The following CARM1 variants were observed in gnomAD, a reference collection of about 807,000 sequenced individuals.
CARM1 encodes the protein coactivator associated arginine methyltransferase 1, also known as histone-arginine methyltransferase CARM1.
A neutral mutation model predicts 72.7 loss-of-function variants in CARM1; 14 were observed. The ratio of observed to expected loss-of-function variants is 0.19; its 90% CI spans 0.13 to 0.30. CARM1 has a LOEUF of 0.30. CARM1 is among the 10% of genes least tolerant of loss of function. CARM1 has a pLI of 1.00. For missense variants in CARM1, 432 were observed against 833.7 expected, an observed-to-expected ratio of 0.52 and a Z score of 5.93; for synonymous variants, 333 against 345.5, an observed-to-expected ratio of 0.96 and a Z score of 0.40.
At chr19:10,884,712 T>C (rs2073927679) in intron 1 of CARM1, among the ~76,000 whole-genome samples, 1 of 152,114 alleles carries the variant, frequency 6.6e-6, no homozygotes, top group African/African-American at 2.4e-5. Context: ...TTTATTTTAT[T>C]ATTTTTTTTT....
chr19:10,908,931 G>A (rs559174491), intron 3 of CARM1, among the ~76,000 whole-genome samples, 172 bp from the exon 4 acceptor site: 3 of 152,308 alleles, frequency 2.0e-5, no homozygotes, highest in East Asian at 1.9e-4. Flanking sequence ...GCTGCCCTCC[G>A]GCTTCCTGCT....
chr19:10,884,829 C>T lies in CARM1; in HGVS notation c.220+12907C>T, dbSNP rs144752756. On this transcript the variant is annotated intron_variant, in intron 1 of 15. Transcript: ENST00000327064. ...AAGCGATTCTCCTCCCTCAGCCTCCCGAGTAGCTGGGATCATAGACACGTG... is the reference window on the plus strand; with the variant it reads ...AAGCGATTCTCCTCCCTCAGCCTCCTGAGTAGCTGGGATCATAGACACGTG... Among the ~76,000 whole-genome samples the T allele has an allele frequency of 2.9e-3, 444 of 152,264 alleles. 1 individual carries two copies. The highest frequency in any genetic ancestry group is 0.01 in the African/African-American group (432 of 41,556).
At chr19:10,872,002 G>A (rs1159562987) in intron 1 of CARM1, 80 bp downstream of exon 1, 29 of 1,113,112 alleles carry the variant, frequency 2.6e-5, no homozygotes, top group Non-Finnish European at 3.2e-5. Context: ...GCGGGGAGGG[G>A]CCCTGAGCGC....
At chr19:10,910,059 C>T (rs1219921294) in intron 4 of CARM1, among the ~76,000 whole-genome samples, 2 of 152,000 alleles carry the variant, frequency 1.3e-5, no homozygotes, top group Non-Finnish European at 2.9e-5. Flanking sequence ...GGGTACTGCT[C>T]TCCAGGCTGA....
chr19:10,901,556 C>A (rs1056341229), intron 1 of CARM1, among the ~76,000 whole-genome samples: 2 of 152,024 alleles, frequency 1.3e-5, no homozygotes, highest in Non-Finnish European at 2.9e-5. Flanking sequence ...AACTCCTGGC[C>A]TCAAGTTATC....
intron 1 of CARM1, among the ~76,000 whole-genome samples, chr19:10,885,725 C>T (rs1241366983): frequency 6.6e-6 from 1 of 152,046 alleles, no homozygotes; most frequent in African/African-American, 2.4e-5. Context: ...CATCCTGTGC[C>T]CTTGAGGGAC....
intron 1 of CARM1, among the ~76,000 whole-genome samples, chr19:10,902,256 TATA>T (rs920796829): frequency 1.5e-4 from 22 of 149,140 alleles, no homozygotes; most frequent in Non-Finnish European, 2.1e-4. Flanking sequence ...AAAAAATAAA[TATA>T]ATAAAAATAG....
intron 6 of CARM1, among the ~76,000 whole-genome samples, chr19:10,914,704 C>T (rs554588419): frequency 2.6e-5 from 4 of 152,152 alleles, no homozygotes; most frequent in Non-Finnish European, 5.9e-5. Context: ...TACAGGTGTG[C>T]ACCACCACGC....
At chr19:10,921,518 C>T (rs1434971656) in intron 15 of CARM1, 75 bp downstream of exon 15, 34 of 1,566,578 alleles carry the variant, frequency 2.2e-5, no homozygotes, top group Non-Finnish European at 2.4e-5. Context: ...TCCGGCCGCC[C>T]GCCTGCCCTC....
At chr19:10,875,953 G>T (rs1215505923) in intron 1 of CARM1, among the ~76,000 whole-genome samples, 1 of 149,692 alleles carries the variant, frequency 6.7e-6, no homozygotes, top group Non-Finnish European at 1.5e-5. Flanking sequence ...TGCAACCTCT[G>T]CCTCCCGGGT....
At chr19:10,891,595 G>C (rs927919224) in intron 1 of CARM1, among the ~76,000 whole-genome samples, 1 of 152,224 alleles carries the variant, frequency 6.6e-6, no homozygotes, top group African/African-American at 2.4e-5. Flanking sequence ...CCCCCAGCCA[G>C]CAGGGTCCAA....
At chr19:10,877,712 G>A (rs1033923086) in intron 1 of CARM1, among the ~76,000 whole-genome samples, 4 of 151,822 alleles carry the variant, frequency 2.6e-5, no homozygotes, top group African/African-American at 7.3e-5. Flanking sequence ...GCGAGCCACC[G>A]CACCCAGCCT....
chr19:10,881,773 A>G (rs1168284633), intron 1 of CARM1, among the ~76,000 whole-genome samples: 1 of 152,158 alleles, frequency 6.6e-6, no homozygotes, highest in Non-Finnish European at 1.5e-5. Context: ...CGCCGTCTCC[A>G]TAGTGCGGTA....
chr19:10,888,726 C>T (rs1201527195), intron 1 of CARM1, among the ~76,000 whole-genome samples: 2 of 152,232 alleles, frequency 1.3e-5, no homozygotes, highest in Non-Finnish European at 2.9e-5. Context: ...CAGCTCACAT[C>T]TGCTGTCTCT....
intron 14 of CARM1, 71 bp downstream of exon 14, chr19:10,921,198 G>T: frequency 6.6e-7 from 1 of 1,525,210 alleles, no homozygotes; most frequent in South Asian, 1.1e-5. Context: ...GGAAGGGCCT[G>T]TGGTGACCAG....
In CARM1 at chr19:10,915,817, G is replaced by A. The variant is rs187633551; in HGVS notation, c.848-590G>A. On this transcript the variant is annotated intron_variant, in intron 6 of 15. Transcript: ENST00000327064. This position sits in a 1 kb window ranked among gnomAD's most constrained non-coding sequence, Gnocchi z 4.6. ...ATGCGTCTACCCTTGAGTCACAGAG[G>A]GAGGCCCTGCCCTTCCCTCAGTCTG... 8.1e-4 allele frequency among the ~76,000 whole-genome samples: 123 copies of A among 152,244 alleles called. 1 individual carries two copies. The highest frequency in any genetic ancestry group is 4.4e-3 in the Admixed American group (68 of 15,296).
At chr19:10,900,497 C>T (rs1335994318) in intron 1 of CARM1, among the ~76,000 whole-genome samples, 1 of 152,156 alleles carries the variant, frequency 6.6e-6, no homozygotes, top group Non-Finnish European at 1.5e-5. Flanking sequence ...CATGTTGCAG[C>T]ATGGCTCAGT....
At chr19:10,903,649 C>T (rs1407212946) in intron 1 of CARM1, among the ~76,000 whole-genome samples, 1 of 151,858 alleles carries the variant, frequency 6.6e-6, no homozygotes, top group Non-Finnish European at 1.5e-5. Flanking sequence ...CAGCCTCAAC[C>T]TCCTGGGCTC....
chr19:10,873,815 G>A (rs1299045303), intron 1 of CARM1, among the ~76,000 whole-genome samples: 7 of 150,784 alleles, frequency 4.6e-5, no homozygotes, highest in Non-Finnish European at 8.9e-5. Flanking sequence ...AATTTTTTGT[G>A]TTTTTAGTAG....
Sources: allele counts gnomAD v4.1 joint callset (sites outside exome capture counted in the v4.1 genomes callset), GRCh38; gene constraint gnomAD v4.1.1; non-coding constraint Gnocchi (gnomAD v3.1); transcripts MANE v1.5; gene names NCBI Gene and HGNC (gene_info 2026-07-23, HGNC 2026-07-21).